The following HDAC4 variants were observed in gnomAD, a reference collection of about 807,000 sequenced individuals.
HDAC4 encodes the protein histone deacetylase A.
HDAC4 carries 16 observed loss-of-function variants against 135.1 expected under a neutral mutation model. The observed-to-expected ratio is 0.12, with a 90% CI of 0.08 to 0.18. HDAC4 has a LOEUF of 0.18. Ranked by LOEUF, HDAC4 falls within the 10% of genes least tolerant of loss-of-function variation. The probability of loss-of-function intolerance (pLI) is 1.00; values close to 1 mark genes in which losing one functional copy is unlikely to be tolerated. For missense variants in HDAC4, 1,143 were observed against 1,511.8 expected (o/e 0.76, Z 4.05); for synonymous variants, 685 against 653.4 (o/e 1.05, Z -0.74).
At chr2:239,058,079 A>G (rs901495935) in intron 24 of HDAC4, among the ~76,000 whole-genome samples, 5 of 152,236 alleles carry the variant, frequency 3.3e-5, no homozygotes, top group African/African-American at 1.2e-4. Context: ...TTGCAGTGGA[A>G]GGATACCCAC....
At chr2:239,364,530 G>A (rs1694055739) in intron 1 of HDAC4, among the ~76,000 whole-genome samples, 1 of 152,048 alleles carries the variant, frequency 6.6e-6, no homozygotes, top group Non-Finnish European at 1.5e-5. Context: ...AGGGGTGGGG[G>A]ACGGCCACTG....
At chr2:239,301,480 T>TA (rs58896846) in intron 2 of HDAC4, among the ~76,000 whole-genome samples, 2 of 105,688 alleles carry the variant, frequency 1.9e-5, no homozygotes. Flanking sequence ...TCTTTTTTTT[T>TA]TTTTTTATTT....
In HDAC4 at chr2:239,355,977, T is replaced by G. The variant is rs913835644; in HGVS notation, c.-219-3059A>C. Among the ~76,000 whole-genome samples the G allele has an allele frequency of 3.3e-5, 5 of 152,346 alleles. No individual in the cohort carries two copies. The East Asian group carries it at 5.8e-4, about 18-fold the overall frequency. On this transcript the variant is annotated intron_variant, in intron 1 of 26. Transcript: ENST00000543185. ...CAATAGAGCACAGGCATTTTCACTA[T>G]AATAGAAATGTTCTGGAAGAACCTC...
intron 24 of HDAC4, among the ~76,000 whole-genome samples, chr2:239,063,451 G>A (rs959146983): frequency 1.3e-5 from 2 of 152,066 alleles, no homozygotes; most frequent in Admixed American, 6.5e-5. Flanking sequence ...TGATCCGCCC[G>A]CCTCGGCCTC....
chr2:239,066,089 G>T (rs988179145), intron 24 of HDAC4, among the ~76,000 whole-genome samples: 1 of 152,076 alleles, frequency 6.6e-6, no homozygotes, highest in Non-Finnish European at 1.5e-5. Context: ...AGGGAGGCCC[G>T]GGCCCCAGCG....
intron 3 of HDAC4, among the ~76,000 whole-genome samples, chr2:239,220,148 G>A (rs894535178): frequency 2.6e-5 from 4 of 152,190 alleles, no homozygotes; most frequent in African/African-American, 9.7e-5. Context: ...GGAACACACT[G>A]CAACAGAACC....
intron 8 of HDAC4, among the ~76,000 whole-genome samples, chr2:239,143,250 C>T (rs1217352065): frequency 7.7e-6 from 1 of 130,144 alleles, no homozygotes; most frequent in East Asian, 2.2e-4. Context: ...GTCTCACCCA[C>T]TGCACACTTT....
At chr2:239,354,029 C>T (rs372796239) in intron 1 of HDAC4, among the ~76,000 whole-genome samples, 8 of 152,250 alleles carry the variant, frequency 5.3e-5, no homozygotes, top group African/African-American at 1.7e-4. Context: ...GCAATACATG[C>T]GCATCACAGG....
At chr2:239,177,559 G>T (rs2043854373) in intron 4 of HDAC4, among the ~76,000 whole-genome samples, 1 of 152,288 alleles carries the variant, frequency 6.6e-6, no homozygotes, top group Non-Finnish European at 1.5e-5. Context: ...CTGTCTACAG[G>T]GAAGGGCACA....
At chr2:239,151,823 C>T (rs904631747) in intron 7 of HDAC4, among the ~76,000 whole-genome samples, 3 of 152,220 alleles carry the variant, frequency 2.0e-5, no homozygotes, top group Non-Finnish European at 2.9e-5. Flanking sequence ...CCCAGGCCAG[C>T]AGCCGGGCCC....
chr2:239,161,192 C>T (rs775855213), intron 6 of HDAC4, among the ~76,000 whole-genome samples: 4 of 152,136 alleles, frequency 2.6e-5, no homozygotes, highest in Non-Finnish European at 2.9e-5. Context: ...TGGATACAAG[C>T]GGTTTGTAAG....
rs115415516 is a variant in HDAC4, at chr2:239,081,847, A to T, written c.2652+255T>A. On this transcript the variant is annotated intron_variant, in intron 21 of 26. Transcript: ENST00000543185. ...GCACCACACACCTCCTCCTTCACAA[A>T]CACCTCTGTCTGCCTGGATGGGAAC... Among the ~76,000 whole-genome samples, 1,587 of 152,294 alleles carry T rather than the reference A, an allele frequency of 0.01. 14 individuals carry two copies. Among genetic ancestry groups the T allele is most frequent in the Non-Finnish European group, 0.017 (1,174 of 68,016 alleles).
In HDAC4 at chr2:239,141,850, T is replaced by A. The variant is rs987008953; in HGVS notation, c.866-2054A>T. Among the ~76,000 whole-genome samples, 1 of 152,218 alleles carries A rather than the reference T, an allele frequency of 6.6e-6. No homozygotes were observed. The highest frequency in any genetic ancestry group is 2.1e-4 in the South Asian group (1 of 4,830). On this transcript the variant is annotated intron_variant, in intron 8 of 26. Transcript: ENST00000543185. This position sits in a 1 kb window ranked among gnomAD's most constrained non-coding sequence, Gnocchi z 4.9. Reference sequence around the variant, plus strand: ...TTTAACTCAACGAGGTTAATTTTATTTTTTTGCATTCTACTTCCAGGAATA... The same window carrying A: ...TTTAACTCAACGAGGTTAATTTTATATTTTTGCATTCTACTTCCAGGAATA...
intron 17 of HDAC4, chr2:239,094,771 C>G: frequency 1.4e-6 from 2 of 1,382,458 alleles, no homozygotes; most frequent in Non-Finnish European, 9.4e-7. Flanking sequence ...GCGAGAGCCA[C>G]TGCACCCCAG....
At chr2:239,070,459 T>C (rs2034063968) in intron 22 of HDAC4, among the ~76,000 whole-genome samples, 1 of 152,276 alleles carries the variant, frequency 6.6e-6, no homozygotes, top group South Asian at 2.1e-4. Flanking sequence ...GTGTGTGCTA[T>C]GAATCCATGC....
intron 2 of HDAC4, chr2:239,298,745 A>G: frequency 1.5e-5 from 5 of 323,092 alleles, no homozygotes; most frequent in Non-Finnish European, 2.2e-5. Context: ...TTAATCAAAC[A>G]TTTTAGAATG....
intron 6 of HDAC4, among the ~76,000 whole-genome samples, chr2:239,158,754 G>A (rs1307078200): frequency 2.6e-5 from 4 of 152,030 alleles, no homozygotes; most frequent in African/African-American, 7.3e-5. Flanking sequence ...AGGAGAGGGC[G>A]GCCCTCACCG....
intron 1 of HDAC4, among the ~76,000 whole-genome samples, chr2:239,398,115 C>T (rs1696687891): frequency 6.6e-6 from 1 of 152,222 alleles, no homozygotes; most frequent in Non-Finnish European, 1.5e-5. Context: ...GAGGAAAGCC[C>T]GGCCACAGCC....
At chr2:239,131,384 A>G (rs1198327756) in intron 11 of HDAC4, among the ~76,000 whole-genome samples, 1 of 152,222 alleles carries the variant, frequency 6.6e-6, no homozygotes. Context: ...GTGGGCCAGG[A>G]AAACACAGGC....
Sources: gnomAD v4.1 joint callset for allele counts (sites outside exome capture counted in the v4.1 genomes callset) on GRCh38, gnomAD v4.1.1 for gene constraint, Gnocchi (gnomAD v3.1) non-coding constraint, MANE v1.5 for transcripts, NCBI Gene and HGNC (gene_info 2026-07-23, HGNC 2026-07-21) for gene names.